SLC24A3: variants seen among roughly 807,000 people sequenced by gnomAD.
SLC24A3 encodes the protein solute carrier family 24 member 3.
In SLC24A3, 28 loss-of-function variants were observed where a neutral mutation model predicts 75.8. The observed-to-expected ratio is 0.37, with a 90% CI of 0.27 to 0.51. The LOEUF is 0.51. SLC24A3 is among the 20% of genes least tolerant of loss of function. The pLI is 0.94. For synonymous variants in SLC24A3, 372 were observed against 334.1 expected, an observed-to-expected ratio of 1.11 and a Z score of -1.24; for missense variants, 663 against 847.8, an observed-to-expected ratio of 0.78 and a Z score of 2.71.
intron 9 of SLC24A3, among the ~76,000 whole-genome samples, chr20:19,678,585 G>A (rs1431157449): frequency 2.7e-5 from 4 of 148,754 alleles, no homozygotes; most frequent in Non-Finnish European, 4.5e-5. Flanking sequence ...CAGTAGGGGC[G>A]GCTGGGCAGA....
At chr20:19,672,488 A>G (rs937708624) in intron 8 of SLC24A3, among the ~76,000 whole-genome samples, 19 of 151,908 alleles carry the variant, frequency 1.3e-4, no homozygotes, top group Non-Finnish European at 2.1e-4. Context: ...GGGGCACACC[A>G]CCATACCTGG....
intron 8 of SLC24A3, among the ~76,000 whole-genome samples, chr20:19,666,387 T>A (rs2032399958): frequency 6.6e-6 from 1 of 152,070 alleles, no homozygotes; most frequent in Admixed American, 6.5e-5. Flanking sequence ...GCACCTGTAG[T>A]CCCAGCTACT....
At chr20:19,477,437 G>A (rs997846105) in intron 2 of SLC24A3, among the ~76,000 whole-genome samples, 1 of 152,186 alleles carries the variant, frequency 6.6e-6, no homozygotes, top group Non-Finnish European at 1.5e-5. Context: ...TTATTTGGAG[G>A]CAAGCTAAGT....
At position 19,600,410 on chromosome 20, in the gene SLC24A3, T is replaced by G. The variant is rs576607842; in HGVS notation, c.612+14866T>G. The stretch of plus-strand genomic sequence containing the variant: ...AATTTCATGTAAAGAAACAAGAATA[T>G]CATGATCAAATATATCTCCTTAATT... On this transcript the variant is annotated intron_variant, in intron 6 of 16. Transcript: ENST00000328041. 2.6e-5 allele frequency among the ~76,000 whole-genome samples: 4 copies of G among 152,236 alleles called. No individual in the cohort carries two copies. In the East Asian group the frequency reaches 7.7e-4, roughly 29 times the overall value.
chr20:19,291,224 T>C (rs1010693569), intron 2 of SLC24A3, among the ~76,000 whole-genome samples: 13 of 152,190 alleles, frequency 8.5e-5, no homozygotes, highest in Non-Finnish European at 1.9e-4. Context: ...ACTCTGGTGC[T>C]TCGGGGTGGA....
chr20:19,216,885 G>A (rs999326781), intron 1 of SLC24A3, among the ~76,000 whole-genome samples: 1 of 152,162 alleles, frequency 6.6e-6, no homozygotes, highest in Non-Finnish European at 1.5e-5. Context: ...CACTACATCT[G>A]GTACCTCAGC....
intron 7 of SLC24A3, among the ~76,000 whole-genome samples, chr20:19,659,444 C>T (rs2032302043): frequency 6.6e-6 from 1 of 152,194 alleles, no homozygotes; most frequent in South Asian, 2.1e-4. Context: ...ATGTGGTAGC[C>T]ACTAGTCACA....
intron 2 of SLC24A3, among the ~76,000 whole-genome samples, chr20:19,501,487 T>C (rs942325188): frequency 6.6e-6 from 1 of 152,218 alleles, no homozygotes; most frequent in African/African-American, 2.4e-5. Context: ...ATTTGGCGAC[T>C]TCACATGGGA....
intron 2 of SLC24A3, among the ~76,000 whole-genome samples, chr20:19,429,701 G>A (rs1020122720): frequency 2.0e-5 from 3 of 152,044 alleles, no homozygotes; most frequent in Non-Finnish European, 4.4e-5. Flanking sequence ...GTTCTGGGCC[G>A]GCCGACTCTA....
At chr20:19,370,124 A>G (rs16980432) in intron 2 of SLC24A3, among the ~76,000 whole-genome samples, 3,037 of 152,286 alleles carry the variant, frequency 0.02, 107 homozygotes, top group African/African-American at 0.07. Context: ...AAAAAAAAAG[A>G]TAATTCCAAA....
chr20:19,429,888 T>A (rs1401004422), intron 2 of SLC24A3, among the ~76,000 whole-genome samples: 1 of 152,064 alleles, frequency 6.6e-6, no homozygotes, highest in Non-Finnish European at 1.5e-5. Context: ...TCACAATAAA[T>A]CTCTCATTTT....
intron 2 of SLC24A3, among the ~76,000 whole-genome samples, chr20:19,428,428 A>G (rs1200529484): frequency 1.3e-5 from 2 of 152,228 alleles, no homozygotes; most frequent in Non-Finnish European, 2.9e-5. Context: ...ACTGGAGTTC[A>G]GGGCACTGTC....
At chr20:19,670,033 G>T (rs976142321) in intron 8 of SLC24A3, among the ~76,000 whole-genome samples, 2 of 152,172 alleles carry the variant, frequency 1.3e-5, no homozygotes, top group Non-Finnish European at 2.9e-5. Context: ...ACCAAGGAGG[G>T]CCGGGTGACT....
intron 8 of SLC24A3, among the ~76,000 whole-genome samples, chr20:19,667,921 G>A (rs1012305683): frequency 1.1e-4 from 17 of 152,300 alleles, no homozygotes; most frequent in African/African-American, 4.1e-4. Flanking sequence ...AGTCATCAGA[G>A]CCCTCGCCCT....
At chr20:19,646,257 C>T (rs139129415) in intron 6 of SLC24A3, among the ~76,000 whole-genome samples, 2 of 152,048 alleles carry the variant, frequency 1.3e-5, no homozygotes, top group African/African-American at 4.8e-5. Flanking sequence ...GTTTATCAAA[C>T]AAAAATACAG....
At chr20:19,483,391 A>G (rs73275241) in intron 2 of SLC24A3, among the ~76,000 whole-genome samples, 3,511 of 152,360 alleles carry the variant, frequency 0.023, 153 homozygotes, top group African/African-American at 0.078. Flanking sequence ...AAATTTTGAC[A>G]GCAGCCAGCC....
intron 2 of SLC24A3, among the ~76,000 whole-genome samples, chr20:19,421,441 G>A (rs977447828): frequency 6.6e-6 from 1 of 151,686 alleles, no homozygotes; most frequent in African/African-American, 2.4e-5. Flanking sequence ...AACACATGAA[G>A]AAATGCTCAT....
At chr20:19,308,823 T>C (rs989495379) in intron 2 of SLC24A3, among the ~76,000 whole-genome samples, 9 of 152,198 alleles carry the variant, frequency 5.9e-5, no homozygotes, top group African/African-American at 2.2e-4. Flanking sequence ...TGCAGTTCCC[T>C]CCACATCTAG....
chr20:19,521,608 G>A (rs888094637), intron 3 of SLC24A3, among the ~76,000 whole-genome samples: 13 of 152,220 alleles, frequency 8.5e-5, no homozygotes, highest in Non-Finnish European at 1.9e-4. Flanking sequence ...AGGTCTGGGG[G>A]AGGAGAGGAG....
Sources: gnomAD v4.1 joint callset for allele counts (sites outside exome capture counted in the v4.1 genomes callset) on GRCh38, gnomAD v4.1.1 for gene constraint, MANE v1.5 for transcripts, NCBI Gene and HGNC (gene_info 2026-07-23, HGNC 2026-07-21) for gene names.